The following SHROOM4 variants were observed in gnomAD, a reference collection of about 807,000 sequenced individuals.
The protein encoded by SHROOM4 is shroom family member 4.
A neutral mutation model predicts 80.3 loss-of-function variants in SHROOM4; 17 were observed. The ratio of observed to expected loss-of-function variants is 0.21; its 90% CI spans 0.14 to 0.32. The LOEUF (loss-of-function observed/expected upper bound fraction) is 0.32. Ranked by LOEUF, SHROOM4 falls within the 10% of genes least tolerant of loss-of-function variation. The pLI is 1.00. For missense variants in SHROOM4, 993 were observed against 1,140.3 expected, an observed-to-expected ratio of 0.87 and a Z score of 1.86; for synonymous variants, 400 against 437.5, an observed-to-expected ratio of 0.91 and a Z score of 1.07.
Position 50,634,076 on chromosome X carries a change from T to G in SHROOM4, c.1997A>C (p.Glu666Ala), listed in dbSNP as rs1569546813. The change falls in exon 4 of 9, where the codon GAG becomes GCG. Residue 666 changes from glutamate to alanine, a missense_variant. Coordinates refer to ENST00000376020, the MANE Select transcript of SHROOM4 (RefSeq NM_020717.5). Reference protein sequence around the residue: ...KSMMLRARSSECLSQAPESHE... With the variant: ...KSMMLRARSSACLSQAPESHE... ...GCTCTCAGGGGCTTGGCTGAGGCAC[T>G]CGGAAGACCTAGCTCTGAGCATCAT... 1 of 1,211,812 alleles carries G rather than the reference T, an allele frequency of 8.3e-7. No homozygotes were observed. Among genetic ancestry groups the G allele is most frequent in the Non-Finnish European group, 1.1e-6 (1 of 895,522 alleles).
At chrX:50,667,155 C>T (rs1557260416) in intron 2 of SHROOM4, among the ~76,000 whole-genome samples, 1 of 111,004 alleles carries the variant, frequency 9.0e-6, no homozygotes, top group African/African-American at 3.3e-5. Context: ...AGACTAATCC[C>T]CAGAAGGGAT....
intron 1 of SHROOM4, among the ~76,000 whole-genome samples, chrX:50,796,667 G>A (rs1936020109): frequency 9.0e-6 from 1 of 111,509 alleles, no homozygotes; most frequent in Non-Finnish European, 1.9e-5. Flanking sequence ...AGTGATCTTA[G>A]AAGCAGGGAA....
In SHROOM4 at chrX:50,608,010, G is replaced by A. The variant is rs782393175; in HGVS notation, c.3132C>T (p.Ser1044=). 8.3e-7 allele frequency: 1 copy of A among 1,211,943 alleles called. No homozygotes were observed. Among genetic ancestry groups the A allele is most frequent in the Non-Finnish European group, 1.1e-6 (1 of 895,540 alleles). ...GTGGGTGGGGCATGGAGGCAAGGGA[G>A]CTCCCCTCCTCATAAACTGAAGTTT... is the stretch of plus-strand genomic sequence containing the variant. ...SEETSVYEEG[S]SLASMPHPLR... Residue 1044 remains serine (S), a synonymous_variant, in exon 6 of 9, where the codon AGC becomes AGT. Transcript: ENST00000376020.
At chrX:50,723,520 C>T (rs1023508074) in intron 1 of SHROOM4, among the ~76,000 whole-genome samples, 1 of 110,637 alleles carries the variant, frequency 9.0e-6, no homozygotes, top group Non-Finnish European at 1.9e-5. Context: ...GCTGCCTTTA[C>T]CCATTAAATG....
At chrX:50,755,730 CT>C (rs1444822622) in intron 1 of SHROOM4, among the ~76,000 whole-genome samples, 5 of 111,582 alleles carry the variant, frequency 4.5e-5, no homozygotes, top group Non-Finnish European at 9.4e-5. Flanking sequence ...AGCCAGAATG[CT>C]GAATGAGAAA....
chrX:50,761,669 T>C (rs138561550), intron 1 of SHROOM4, among the ~76,000 whole-genome samples: 3,730 of 111,269 alleles, frequency 0.034, 75 homozygotes, highest in Middle Eastern at 0.069. Context: ...TTCAAGCGAT[T>C]CTCCTGCCTC....
intron 1 of SHROOM4, among the ~76,000 whole-genome samples, chrX:50,713,273 G>C (rs1279523649): frequency 3.6e-5 from 4 of 111,275 alleles, no homozygotes; most frequent in Non-Finnish European, 5.7e-5. Flanking sequence ...GTCTTTGGCA[G>C]CAATGATGTC....
At chrX:50,599,729 C>G (rs1334823052) in intron 7 of SHROOM4, among the ~76,000 whole-genome samples, 1 of 111,501 alleles carries the variant, frequency 9.0e-6, no homozygotes, top group Non-Finnish European at 1.9e-5. Flanking sequence ...TTTGATTATT[C>G]CTAAATTTCT....
chrX:50,667,287 G>A (rs1277716153), intron 2 of SHROOM4, among the ~76,000 whole-genome samples: 1 of 111,679 alleles, frequency 9.0e-6, no homozygotes, highest in Admixed American at 9.6e-5. Flanking sequence ...AAATTCACAC[G>A]TTTATTTCAT....
chrX:50,700,684 G>A (rs1933492785), intron 1 of SHROOM4, among the ~76,000 whole-genome samples: 1 of 111,651 alleles, frequency 9.0e-6, no homozygotes, highest in African/African-American at 3.3e-5. Flanking sequence ...GTCTCTTTCA[G>A]CAACTTCTTC....
intron 1 of SHROOM4, among the ~76,000 whole-genome samples, chrX:50,702,282 G>A (rs1172433161): frequency 4.5e-5 from 5 of 111,763 alleles, no homozygotes; most frequent in African/African-American, 1.6e-4. Context: ...GTATAAAGCT[G>A]TACAACCATT....
rs782134009 is a variant in SHROOM4 at position 50,626,190 on chromosome X, C to G, written c.2957+1424G>C. 4.5e-5 allele frequency among the ~76,000 whole-genome samples: 5 copies of G among 111,504 alleles called. No homozygotes were observed. In the South Asian group the frequency reaches 1.9e-3, roughly 43 times the overall value. The stretch of plus-strand genomic sequence containing the variant: ...AACTGACTCCAAGGCCAGAACTTAA[C>G]CAGTGGGGATTATTCCTCCAACACA... On this transcript the variant is annotated intron_variant, in intron 5 of 8. Transcript: ENST00000376020.
intron 2 of SHROOM4, among the ~76,000 whole-genome samples, chrX:50,663,352 A>C (rs1418246602): frequency 8.9e-6 from 1 of 111,944 alleles, no homozygotes; most frequent in Non-Finnish European, 1.9e-5. Flanking sequence ...TTTATACTGA[A>C]TTAGTCACCA....
intron 1 of SHROOM4, among the ~76,000 whole-genome samples, chrX:50,743,706 C>T (rs1015583874): frequency 1.8e-5 from 2 of 111,591 alleles, no homozygotes; most frequent in Non-Finnish European, 3.8e-5. Context: ...ATCTTCTTGC[C>T]TTGGCCTCCC....
chrX:50,590,876 CTAATA>C lies in SHROOM4; in HGVS notation c.*5814_*5818del. 9.0e-6 allele frequency among the ~76,000 whole-genome samples: 1 copy of C among 110,541 alleles called. No homozygotes were observed. Among genetic ancestry groups the C allele is most frequent in the Non-Finnish European group, 1.9e-5 (1 of 52,742 alleles). Reference sequence around the variant, plus strand: ...GTATCTGATATGCAAATATTTTCTCCTAATATTATGTTGCTTGTCTTTTCACTTTT... The same window carrying C: ...GTATCTGATATGCAAATATTTTCTCCTTATGTTGCTTGTCTTTTCACTTTT... On this transcript the variant is annotated 3_prime_UTR_variant, in exon 9 of 9. Transcript: ENST00000376020.
At chrX:50,668,465 C>A (rs1189603227) in intron 2 of SHROOM4, among the ~76,000 whole-genome samples, 1 of 111,853 alleles carries the variant, frequency 8.9e-6, no homozygotes, top group Non-Finnish European at 1.9e-5. Flanking sequence ...GGCAGCAACC[C>A]CCATCACTTG....
rs375754641 is a variant in SHROOM4 at position 50,597,988 on chromosome X, G to A, written c.4212+278C>T. ...GGAGTAGCTGGGATTATAGGCATGC[G>A]CCACCCTGCCAGACTAATTTTTGTA... On this transcript the variant is annotated intron_variant, in intron 8 of 8. Coordinates refer to ENST00000376020, the MANE Select transcript of SHROOM4 (RefSeq NM_020717.5). 1.9e-4 allele frequency among the ~76,000 whole-genome samples: 21 copies of A among 110,876 alleles called. No homozygotes were observed. The South Asian group carries it at 7.9e-3, about 42-fold the overall frequency.
chrX:50,744,093 T>C (rs1934725564), intron 1 of SHROOM4, among the ~76,000 whole-genome samples: 1 of 111,660 alleles, frequency 9.0e-6, no homozygotes, highest in African/African-American at 3.3e-5. Flanking sequence ...ATGGATCTGT[T>C]TGAGTTTATC....
intron 1 of SHROOM4, among the ~76,000 whole-genome samples, chrX:50,782,967 T>C (rs1181114005): frequency 8.9e-6 from 1 of 111,922 alleles, no homozygotes; most frequent in African/African-American, 3.2e-5. Flanking sequence ...AACAATACTA[T>C]ATTGTACATT....
Sources: allele counts gnomAD v4.1 joint callset (sites outside exome capture counted in the v4.1 genomes callset), GRCh38; gene constraint gnomAD v4.1.1; transcripts MANE v1.5; gene names NCBI Gene and HGNC (gene_info 2026-07-23, HGNC 2026-07-21).